The following LRGUK variants were observed in gnomAD, a reference collection of about 807,000 sequenced individuals.
LRGUK encodes leucine rich repeats and guanylate kinase domain containing.
Under a neutral mutation model 76.0 loss-of-function variants are expected in LRGUK, and 65 were observed. That is an observed-to-expected ratio of 0.85 (90% CI 0.70 to 1.05). LRGUK has a LOEUF of 1.05. Among genes scored for constraint, LRGUK ranks in the 50% least tolerant of loss-of-function variants. The pLI is 0.00. For missense variants in LRGUK, 758 were observed against 732.8 expected, an observed-to-expected ratio of 1.03 and a Z score of -0.40; for synonymous variants, 268 against 265.6, an observed-to-expected ratio of 1.01 and a Z score of -0.09.
intron 5 of LRGUK, among the ~76,000 whole-genome samples, chr7:134,149,298 G>C (rs2116874212): frequency 6.6e-6 from 1 of 152,090 alleles, no homozygotes; most frequent in African/African-American, 2.4e-5. Flanking sequence ...ATGTTTTCTG[G>C]GTAGCAGGGG....
At chr7:134,203,732 G>A (rs1380643709) in intron 15 of LRGUK, among the ~76,000 whole-genome samples, 28 of 152,156 alleles carry the variant, frequency 1.8e-4, no homozygotes, top group Admixed American at 1.8e-3. Context: ...ATTAGATTGG[G>A]AGCATGTCAG....
intron 5 of LRGUK, among the ~76,000 whole-genome samples, chr7:134,152,257 C>T (rs1241419248): frequency 6.6e-6 from 1 of 151,854 alleles, no homozygotes; most frequent in Admixed American, 6.6e-5. Context: ...AATTAGAAAA[C>T]AACTTTAAAA....
chr7:134,205,877 A>G (rs1196703966), intron 15 of LRGUK, among the ~76,000 whole-genome samples: 1 of 152,254 alleles, frequency 6.6e-6, no homozygotes. Flanking sequence ...GACCAACAGC[A>G]TTGTTTTTCT....
chr7:134,149,101 CT>C (rs199614031), intron 5 of LRGUK, among the ~76,000 whole-genome samples: 3 of 12,532 alleles, frequency 2.4e-4, no homozygotes, highest in Admixed American at 9.5e-4. Context: ...AATATGCTTT[CT>C]TTTTTTAAAA....
the LRGUK span, among the ~76,000 whole-genome samples, chr7:134,270,479 T>A: frequency 6.6e-6 from 1 of 152,268 alleles, no homozygotes; most frequent in African/African-American, 2.4e-5. Context: ...GTATCCTTTC[T>A]AATTATATTT....
the LRGUK span, among the ~76,000 whole-genome samples, chr7:134,269,700 A>G: frequency 6.6e-6 from 1 of 152,174 alleles, no homozygotes; most frequent in Non-Finnish European, 1.5e-5. Context: ...GATATATTCC[A>G]TCTTGGTAAA....
At chr7:134,201,164 C>A (rs1297184914) in intron 14 of LRGUK, among the ~76,000 whole-genome samples, 3 of 152,118 alleles carry the variant, frequency 2.0e-5, no homozygotes, top group Non-Finnish European at 4.4e-5. Context: ...TTAGGGTGGG[C>A]CTGCCTGGAT....
intron 1 of LRGUK, among the ~76,000 whole-genome samples, chr7:134,132,271 C>T (rs1300493308): frequency 6.6e-6 from 1 of 152,152 alleles, no homozygotes; most frequent in Non-Finnish European, 1.5e-5. Flanking sequence ...AAAAGGATCA[C>T]TCGAGTCCAG....
chr7:134,276,628 A>C, the LRGUK span, among the ~76,000 whole-genome samples: 6 of 152,296 alleles, frequency 3.9e-5, no homozygotes, highest in East Asian at 1.2e-3. Flanking sequence ...AAAGGAAAAA[A>C]AAAGAATTCC....
chr7:134,175,354 A>G (rs111768869), intron 8 of LRGUK, among the ~76,000 whole-genome samples: 123 of 152,198 alleles, frequency 8.1e-4, no homozygotes, highest in African/African-American at 2.8e-3. Flanking sequence ...TTTTGTTTGT[A>G]TCTTGATGAA....
At chr7:134,184,762 T>G (rs1799913617) in intron 11 of LRGUK, among the ~76,000 whole-genome samples, 1 of 152,246 alleles carries the variant, frequency 6.6e-6, no homozygotes, top group Admixed American at 6.5e-5. Context: ...CACTGTATTT[T>G]TTTTAACTTT....
the LRGUK span, among the ~76,000 whole-genome samples, chr7:134,270,278 C>A: frequency 6.6e-6 from 1 of 152,238 alleles, no homozygotes; most frequent in South Asian, 2.1e-4. Context: ...TTTCTGCATA[C>A]TAGCAATGAG....
At chr7:134,197,973 A>C (rs1800577310) in intron 13 of LRGUK, among the ~76,000 whole-genome samples, 1 of 152,236 alleles carries the variant, frequency 6.6e-6, no homozygotes, top group Non-Finnish European at 1.5e-5. Context: ...AACAAAACCT[A>C]GGCAAATCAG....
chr7:134,178,139 TA>T (rs1393681158), intron 9 of LRGUK, among the ~76,000 whole-genome samples: 1 of 152,150 alleles, frequency 6.6e-6, no homozygotes, highest in Non-Finnish European at 1.5e-5. Flanking sequence ...TTTCACATAT[TA>T]AAAGTTGGAA....
At chr7:134,249,895 G>T (rs1443018349) in intron 18 of LRGUK, among the ~76,000 whole-genome samples, 1 of 152,138 alleles carries the variant, frequency 6.6e-6, no homozygotes, top group African/African-American at 2.4e-5. Context: ...TGGCTGGTTG[G>T]GTCAATTGCC....
downstream of LRGUK, among the ~76,000 whole-genome samples, chr7:134,214,719 A>T (rs910921016): frequency 2.6e-4 from 40 of 151,690 alleles, no homozygotes; most frequent in African/African-American, 9.5e-4. Flanking sequence ...AGTATTTTTT[A>T]AATTTTCTAC....
At chr7:134,158,090 T>C (rs1185400300) in exon 6 of LRGUK, 5 of 1,613,090 alleles carry the variant, frequency 3.1e-6, no homozygotes, top group African/African-American at 2.7e-5. Context: ...TAATTCACCT[T>C]AGTTTGGCCA....
At chr7:134,215,257 A>G (rs1477445153) in intron 15 of LRGUK, among the ~76,000 whole-genome samples, 1 of 151,858 alleles carries the variant, frequency 6.6e-6, no homozygotes, top group Admixed American at 6.6e-5. Context: ...TACTATGGTG[A>G]TAGACAACTC....
intron 15 of LRGUK, among the ~76,000 whole-genome samples, chr7:134,219,000 T>C (rs1801508119): frequency 6.6e-6 from 1 of 152,206 alleles, no homozygotes; most frequent in Non-Finnish European, 1.5e-5. Flanking sequence ...TTAAATAAAT[T>C]TAACTAGCCT....
Sources: allele counts gnomAD v4.1 joint callset (sites outside exome capture counted in the v4.1 genomes callset), GRCh38; gene constraint gnomAD v4.1.1; transcripts MANE v1.5; gene names NCBI Gene and HGNC (gene_info 2026-07-23, HGNC 2026-07-21).